Variants in SLC39A12 observed in about 807,000 individuals in gnomAD.
SLC39A12 encodes solute carrier family 39 member 12.
In SLC39A12, 63 loss-of-function variants were observed where a neutral mutation model predicts 71.1. The ratio of observed to expected loss-of-function variants is 0.89; its 90% confidence interval spans 0.72 to 1.09. The LOEUF (loss-of-function observed/expected upper bound fraction) is 1.09. Ranked by LOEUF, SLC39A12 falls within the 50% of genes least tolerant of loss-of-function variation. SLC39A12 has a pLI of 0.00. For synonymous variants in SLC39A12, 351 were observed against 301.3 expected (o/e 1.16, Z -1.71); for missense variants, 892 against 812.6 (o/e 1.10, Z -1.19).
At chr10:17,968,541 A>G (rs1010577082) in intron 4 of SLC39A12, among the ~76,000 whole-genome samples, 1 of 152,182 alleles carries the variant, frequency 6.6e-6, no homozygotes, top group Non-Finnish European at 1.5e-5. Context: ...CAGGTCTGCT[A>G]GCAATAAATT....
intron 4 of SLC39A12, among the ~76,000 whole-genome samples, chr10:17,977,373 ATAAG>A (rs1352870070): frequency 2.0e-5 from 3 of 151,800 alleles, no homozygotes; most frequent in South Asian, 2.1e-4. Flanking sequence ...TGTTTTAATC[ATAAG>A]TAAGAAGATG....
At chr10:17,968,193 T>G (rs1834882064) in intron 4 of SLC39A12, among the ~76,000 whole-genome samples, 1 of 152,040 alleles carries the variant, frequency 6.6e-6, no homozygotes, top group South Asian at 2.1e-4. Flanking sequence ...ACATATAGTT[T>G]TGACTATTTA....
At chr10:18,014,195 G>A (rs534620088) in intron 12 of SLC39A12, among the ~76,000 whole-genome samples, 3 of 151,940 alleles carry the variant, frequency 2.0e-5, no homozygotes, top group South Asian at 4.2e-4. Context: ...TTATTTCTAG[G>A]TATTTTCTTC....
At chr10:17,973,807 C>T (rs1253606311) in intron 4 of SLC39A12, among the ~76,000 whole-genome samples, 3 of 151,652 alleles carry the variant, frequency 2.0e-5, no homozygotes, top group Admixed American at 1.3e-4. Flanking sequence ...TGTTATTATC[C>T]TTTTGAATAA....
chr10:17,961,634 G>A lies in SLC39A12; in HGVS notation c.315G>A (p.Gln105=). 1.2e-6 allele frequency: 2 copies of A among 1,614,062 alleles called. No individual in the cohort carries two copies. Among genetic ancestry groups the A allele is most frequent in the African/African-American group, 2.7e-5 (2 of 75,042 alleles). The change falls in exon 3 of 13, where the codon CAG becomes CAA. Residue 105 remains glutamine (Q), a synonymous_variant. Transcript: ENST00000377369. ...LLIAGGNFED[Q]LREEVVQRVS... ...TAGCTGGAGGAAATTTTGAAGATCA[G>A]CTTAGAGAAGAAGTGGTCCAGAGAG...
chr10:17,983,041 A>T (rs2497833), intron 6 of SLC39A12, among the ~76,000 whole-genome samples: 67,762 of 143,484 alleles, frequency 0.47, 15,802 homozygotes, highest in East Asian at 0.63. Flanking sequence ...ATTAAAAATT[A>T]AAAAAAAAAA....
chr10:17,957,845 G>A lies in SLC39A12; in HGVS notation c.262-3736G>A, dbSNP rs12244336. Among the ~76,000 whole-genome samples the A allele has an allele frequency of 5.7e-3, 860 of 152,148 alleles. 11 individuals carry two copies. Among genetic ancestry groups the A allele is most frequent in the African/African-American group, 0.02 (813 of 41,486 alleles). Reference sequence around the variant, plus strand: ...TTCTGTATTAAAATAAATTCTTTACGATTCAAATATTATAAAAGGGAGGAA... The same window carrying A: ...TTCTGTATTAAAATAAATTCTTTACAATTCAAATATTATAAAAGGGAGGAA... On this transcript the variant is annotated intron_variant, in intron 2 of 12. Transcript: ENST00000377369.
intron 12 of SLC39A12, among the ~76,000 whole-genome samples, chr10:18,027,944 T>C (rs1836724874): frequency 6.6e-6 from 1 of 152,226 alleles, no homozygotes; most frequent in South Asian, 2.1e-4. Flanking sequence ...CCTCTAGAAA[T>C]TAAACATAAT....
Position 17,961,819 on chromosome 10 carries a change from T to C in SLC39A12, c.500T>C (p.Ile167Thr), listed in dbSNP as rs782097594. The part of the protein sequence containing the change: ...SFLSQNETED[I>T]LAFTRQYFDT... ...CTTTCACAGAATGAGACAGAAGATA[T>C]CTTGGCTTTCACCAGGCAGTACTTT... The change falls in exon 3 of 13, where the codon ATC (isoleucine) becomes ACC (threonine). Residue 167 changes from isoleucine to threonine, a missense_variant. Transcript: ENST00000377369. 5 of 1,613,926 alleles carry C rather than the reference T, an allele frequency of 3.1e-6. No homozygotes were observed. Among genetic ancestry groups the C allele is most frequent in the East Asian group, 2.2e-5 (1 of 44,872 alleles).
At chr10:17,987,403 T>C in intron 6 of SLC39A12, 76 bp from the exon 7 acceptor site, 1 of 1,376,570 alleles carries the variant, frequency 7.3e-7, no homozygotes, top group Non-Finnish European at 1.0e-6. Context: ...GACCAATTCT[T>C]CTGGCATTTT....
chr10:18,006,438 C>T (rs1262338256), intron 12 of SLC39A12, among the ~76,000 whole-genome samples: 1 of 152,182 alleles, frequency 6.6e-6, no homozygotes, highest in Non-Finnish European at 1.5e-5. Context: ...GAAATTAATG[C>T]TCTGTTATGA....
At chr10:18,003,123 G>T in intron 11 of SLC39A12, 48 bp from the exon 12 acceptor site, 1 of 1,562,740 alleles carries the variant, frequency 6.4e-7, no homozygotes, top group South Asian at 1.2e-5. Flanking sequence ...TAGCAAAGGC[G>T]TCTTCCATTA....
Position 18,036,775 on chromosome 10 carries a change from TATATATATATATATATATA to T in SLC39A12, c.1948-5929_1948-5911del, listed in dbSNP as rs1197028868. 4.1e-3 allele frequency among the ~76,000 whole-genome samples: 91 copies of T among 22,262 alleles called. 7 individuals carry two copies. The highest frequency in any genetic ancestry group is 0.031 in the South Asian group (24 of 786). The allele number at this position is 22,262 out of a possible 152,430, so 14.6% of individuals were successfully genotyped here. ...ATATATATATATATATATATATATA[TATATATATATATATATATA>T]TTTTTTTTTTTAATGGAATCTCACT... is the stretch of plus-strand genomic sequence containing the variant. On this transcript the variant is annotated intron_variant, in intron 12 of 12. Coordinates refer to ENST00000377369, the MANE Select transcript of SLC39A12 (RefSeq NM_001145195.2).
At chr10:17,967,309 A>C (rs1834851053) in intron 4 of SLC39A12, among the ~76,000 whole-genome samples, 1 of 152,204 alleles carries the variant, frequency 6.6e-6, no homozygotes, top group Non-Finnish European at 1.5e-5. Flanking sequence ...ATTAGGAAGC[A>C]TGTAACACCT....
intron 4 of SLC39A12, 104 bp from the exon 5 acceptor site, chr10:17,977,798 A>G: frequency 1.1e-6 from 1 of 889,598 alleles, no homozygotes; most frequent in Non-Finnish European, 1.6e-6. Flanking sequence ...AAAAAATGAT[A>G]AGAATTCTTT....
chr10:17,993,764 A>G (rs1476784612), intron 9 of SLC39A12, among the ~76,000 whole-genome samples: 2 of 152,258 alleles, frequency 1.3e-5, no homozygotes. Context: ...CCTTTATTCT[A>G]CTAAATTTTC....
At chr10:17,990,899 C>A (rs1835526117) in intron 7 of SLC39A12, among the ~76,000 whole-genome samples, 1 of 152,206 alleles carries the variant, frequency 6.6e-6, no homozygotes, top group South Asian at 2.1e-4. Flanking sequence ...TGTTCATTAG[C>A]ACAAGCTATT....
chr10:17,965,825 G>T, intron 4 of SLC39A12, 135 bp downstream of exon 4: 1 of 749,230 alleles, frequency 1.3e-6, no homozygotes, highest in East Asian at 2.7e-5. Context: ...GAGTCATAAA[G>T]TCAGACAGCT....
At chr10:17,966,372 G>C (rs1459185749) in intron 4 of SLC39A12, among the ~76,000 whole-genome samples, 2 of 152,060 alleles carry the variant, frequency 1.3e-5, no homozygotes, top group Admixed American at 1.3e-4. Context: ...GTGCAGTGGT[G>C]GGACCGTAAT....
Sources: allele counts gnomAD v4.1 joint callset (sites outside exome capture counted in the v4.1 genomes callset), GRCh38; gene constraint gnomAD v4.1.1; transcripts MANE v1.5; gene names NCBI Gene and HGNC (gene_info 2026-07-23, HGNC 2026-07-21).